The following ARHGAP21 variants were observed in gnomAD, a reference collection of about 807,000 sequenced individuals.
ARHGAP21 encodes the protein Rho GTPase activating protein 21.
In ARHGAP21, 38 loss-of-function variants were observed where a neutral mutation model predicts 164.6. The observed-to-expected ratio is 0.23, with a 90% confidence interval of 0.18 to 0.30. ARHGAP21 has a LOEUF of 0.30. Among genes scored for constraint, ARHGAP21 ranks in the 10% least tolerant of loss-of-function variants. ARHGAP21 has a pLI of 1.00. For missense variants in ARHGAP21, 1,822 were observed against 2,370.7 expected (o/e 0.77, Z 4.81); for synonymous variants, 766 against 857.9 (o/e 0.89, Z 1.87).
At chr10:24,713,429 GTTTT>G (rs751605305) in intron 2 of ARHGAP21, among the ~76,000 whole-genome samples, 4 of 152,054 alleles carry the variant, frequency 2.6e-5, no homozygotes, top group Non-Finnish European at 4.4e-5. Context: ...TAACTTCCCT[GTTTT>G]TTTATTTTTA....
intron 21 of ARHGAP21, among the ~76,000 whole-genome samples, chr10:24,593,939 A>AG (rs2130807135): frequency 6.6e-6 from 1 of 152,204 alleles, no homozygotes; most frequent in East Asian, 1.9e-4. Flanking sequence ...GAGCACCTAA[A>AG]GGAAGTAAGC....
chr10:24,681,880 T>C (rs948374759), intron 2 of ARHGAP21, among the ~76,000 whole-genome samples: 1 of 152,100 alleles, frequency 6.6e-6, no homozygotes, highest in African/African-American at 2.4e-5. Context: ...TTTGTAACAC[T>C]GGAAGATGGC....
intron 13 of ARHGAP21, among the ~76,000 whole-genome samples, 175 bp downstream of exon 13, chr10:24,601,795 TTAATGCAA>T (rs1421137050): frequency 5.3e-5 from 8 of 152,232 alleles, no homozygotes; most frequent in African/African-American, 1.9e-4. Flanking sequence ...AAGTACCAAA[TTAATGCAA>T]TAATTAGAAT....
chr10:24,621,280 G>A lies in ARHGAP21; in HGVS notation c.615C>T (p.Pro205=), dbSNP rs185781335. The A allele has an allele frequency of 1.9e-4, 307 of 1,613,776 alleles. No homozygotes were observed. In the East Asian group the frequency reaches 6.1e-3, roughly 32 times the overall value. Residue 205 remains proline (P), a synonymous_variant, in exon 9 of 26, where the codon CCC becomes CCT. Coordinates refer to ENST00000396432, the MANE Select transcript of ARHGAP21 (RefSeq NM_020824.4). ...NIPEPPPICY[P]WLPSAPSAMA... ...TGGCTGATGGGGCAGATGGCAGCCA[G>A]GGATAGCAGATTGGTGGAGGTTCAG...
At chr10:24,624,219 T>C (rs1593067524) in intron 7 of ARHGAP21, among the ~76,000 whole-genome samples, 1 of 152,082 alleles carries the variant, frequency 6.6e-6, no homozygotes, top group African/African-American at 2.4e-5. Context: ...AAGAACATTT[T>C]TCACAAAATG....
intron 7 of ARHGAP21, among the ~76,000 whole-genome samples, chr10:24,628,300 T>G (rs936191311): frequency 6.6e-6 from 1 of 152,206 alleles, no homozygotes; most frequent in African/African-American, 2.4e-5. Context: ...GTAATTGTTA[T>G]CGGTACTAAG....
At chr10:24,629,752 T>A (rs762714802) in intron 7 of ARHGAP21, 11 of 533,672 alleles carry the variant, frequency 2.1e-5, no homozygotes, top group African/African-American at 1.7e-4. Context: ...GGAATCTCAT[T>A]CTAAATGAGA....
intron 2 of ARHGAP21, among the ~76,000 whole-genome samples, chr10:24,677,176 C>T (rs1257260332): frequency 1.3e-5 from 2 of 152,134 alleles, no homozygotes; most frequent in Non-Finnish European, 2.9e-5. Flanking sequence ...GCCAAGAACA[C>T]GCCATTGTAC....
At chr10:24,595,675 T>A (rs193115454) in intron 19 of ARHGAP21, 42 bp downstream of exon 19, 1 of 1,563,236 alleles carries the variant, frequency 6.4e-7, no homozygotes, top group South Asian at 1.1e-5. Flanking sequence ...CAATTGTAAC[T>A]TGAACCATTT....
intron 2 of ARHGAP21, among the ~76,000 whole-genome samples, chr10:24,681,227 A>G (rs1378598514): frequency 2.6e-5 from 4 of 152,348 alleles, no homozygotes; most frequent in South Asian, 2.1e-4. Context: ...TCACAACTGC[A>G]TAAAGTTGCT....
At chr10:24,639,775 C>A (rs1836795099) in intron 4 of ARHGAP21, among the ~76,000 whole-genome samples, 1 of 152,098 alleles carries the variant, frequency 6.6e-6, no homozygotes, top group Admixed American at 6.5e-5. Flanking sequence ...CATCTATAGG[C>A]CTGGGGGCTT....
intron 24 of ARHGAP21, chr10:24,590,854 C>T: frequency 1.0e-6 from 1 of 973,106 alleles, no homozygotes; most frequent in Non-Finnish European, 1.2e-6. Context: ...CAGCCCAGAT[C>T]ATACTTTCTG....
intron 2 of ARHGAP21, among the ~76,000 whole-genome samples, chr10:24,680,680 G>A (rs1458267312): frequency 1.3e-5 from 2 of 151,914 alleles, no homozygotes; most frequent in Non-Finnish European, 2.9e-5. Context: ...TCACAGAAGC[G>A]GAAGATAAAA....
intron 9 of ARHGAP21, among the ~76,000 whole-genome samples, chr10:24,609,553 A>C (rs982010666): frequency 6.6e-6 from 1 of 152,192 alleles, no homozygotes; most frequent in Non-Finnish European, 1.5e-5. Flanking sequence ...AAAGGAGAAA[A>C]GGAAAAGCTA....
intron 9 of ARHGAP21, among the ~76,000 whole-genome samples, chr10:24,613,488 G>A (rs1230034135): frequency 1.3e-5 from 2 of 152,088 alleles, no homozygotes; most frequent in East Asian, 3.8e-4. Context: ...CTGTGAACAT[G>A]GATTTAAATT....
chr10:24,695,838 A>G (rs1041920258), intron 2 of ARHGAP21, among the ~76,000 whole-genome samples: 8 of 152,110 alleles, frequency 5.3e-5, no homozygotes, highest in Non-Finnish European at 1.0e-4. Flanking sequence ...CCAGCAACCC[A>G]TGAGTGATCC....
intron 4 of ARHGAP21, among the ~76,000 whole-genome samples, chr10:24,648,064 C>G (rs891093080): frequency 6.6e-6 from 1 of 152,138 alleles, no homozygotes; most frequent in Non-Finnish European, 1.5e-5. Flanking sequence ...GGTCTCAACT[C>G]CTGACCTCAG....
At chr10:24,710,131 T>A (rs1844637947) in intron 2 of ARHGAP21, among the ~76,000 whole-genome samples, 1 of 152,150 alleles carries the variant, frequency 6.6e-6, no homozygotes, top group Admixed American at 6.5e-5. Flanking sequence ...CACTTCTATA[T>A]TTTTCCCTTC....
At chr10:24,593,756 T>C (rs977909583) in intron 21 of ARHGAP21, among the ~76,000 whole-genome samples, 3 of 152,204 alleles carry the variant, frequency 2.0e-5, no homozygotes, top group African/African-American at 4.8e-5. Context: ...AATGATGTAA[T>C]AGATTTCAGA....
Sources: gnomAD v4.1 joint callset for allele counts (sites outside exome capture counted in the v4.1 genomes callset) on GRCh38, gnomAD v4.1.1 for gene constraint, MANE v1.5 for transcripts, NCBI Gene and HGNC (gene_info 2026-07-23, HGNC 2026-07-21) for gene names.